PCSK5: variants seen among roughly 807,000 people sequenced by gnomAD.
PCSK5 encodes proprotein convertase subtilisin/kexin type 5.
A neutral mutation model predicts 233.2 loss-of-function variants in PCSK5; 129 were observed. That is an observed-to-expected ratio of 0.55 (90% CI 0.48 to 0.64). The LOEUF is 0.64. Ranked by LOEUF, PCSK5 falls within the 30% of genes least tolerant of loss-of-function variation. The pLI is 0.00. For synonymous variants in PCSK5, 825 were observed against 879.2 expected, an observed-to-expected ratio of 0.94 and a Z score of 1.09; for missense variants, 2,076 against 2,430.1, an observed-to-expected ratio of 0.85 and a Z score of 3.06.
intron 1 of PCSK5, among the ~76,000 whole-genome samples, chr9:75,914,705 G>A (rs1214893776): frequency 6.6e-6 from 1 of 152,062 alleles, no homozygotes; most frequent in African/African-American, 2.4e-5. Flanking sequence ...TATTTCTCAG[G>A]ATCCTCAGTA....
chr9:75,899,515 C>G (rs1426456193), intron 1 of PCSK5, among the ~76,000 whole-genome samples: 1 of 152,144 alleles, frequency 6.6e-6, no homozygotes, highest in Non-Finnish European at 1.5e-5. Flanking sequence ...AGTTTGTACC[C>G]TTTGACCTAC....
chr9:76,285,757 A>G (rs1359979317), intron 24 of PCSK5, among the ~76,000 whole-genome samples: 1 of 152,114 alleles, frequency 6.6e-6, no homozygotes, highest in African/African-American at 2.4e-5. Context: ...TCCTTAAGAC[A>G]TTGAGTTTCT....
intron 8 of PCSK5, among the ~76,000 whole-genome samples, chr9:76,102,254 T>C (rs1240441580): frequency 1.3e-5 from 2 of 152,224 alleles, no homozygotes; most frequent in Non-Finnish European, 2.9e-5. Flanking sequence ...TAGCTGTTTG[T>C]CCTTGGGCAA....
At chr9:76,077,621 T>C (rs2131613721) in intron 7 of PCSK5, among the ~76,000 whole-genome samples, 1 of 152,252 alleles carries the variant, frequency 6.6e-6, no homozygotes, top group African/African-American at 2.4e-5. Context: ...GAGTACCTAA[T>C]GTTTAGCTCC....
intron 35 of PCSK5, among the ~76,000 whole-genome samples, chr9:76,341,674 T>G (rs1829840500): frequency 6.6e-6 from 1 of 152,218 alleles, no homozygotes; most frequent in South Asian, 2.1e-4. Flanking sequence ...TATTTTGGTT[T>G]TGGTTCTTTA....
At chr9:76,103,473 A>G (rs1346405834) in intron 8 of PCSK5, among the ~76,000 whole-genome samples, 1 of 152,168 alleles carries the variant, frequency 6.6e-6, no homozygotes, top group Non-Finnish European at 1.5e-5. Flanking sequence ...GTCAATCTGA[A>G]CTGAGATTCC....
chr9:75,899,642 A>G (rs73464429), intron 1 of PCSK5, among the ~76,000 whole-genome samples: 1,613 of 152,274 alleles, frequency 0.011, 18 homozygotes, highest in East Asian at 0.028. Context: ...TCTTTTTGTT[A>G]GAAGATAGAA....
rs181798643 is a variant in PCSK5, at chr9:76,241,764, T to C, written c.3142+1080T>C. On this transcript the variant is annotated intron_variant, in intron 24 of 37. Coordinates refer to ENST00000674117, the MANE Select transcript of PCSK5 (RefSeq NM_001372043.1). ...GGCAACATATAAAAAATAATTAGCA[T>C]GTGTGATCTTTGAAAGGAAACTCAA... is the stretch of plus-strand genomic sequence containing the variant. Among the ~76,000 whole-genome samples the C allele has an allele frequency of 6.5e-4, 99 of 152,342 alleles. 2 individuals carry two copies. The East Asian group carries it at 0.017, about 26-fold the overall frequency.
Position 76,350,528 on chromosome 9 carries a change from G to A in PCSK5, c.4967-300G>A, listed in dbSNP as rs546009930. Among the ~76,000 whole-genome samples, 13 of 152,254 alleles carry A rather than the reference G, an allele frequency of 8.5e-5. 1 individual carries two copies. Among genetic ancestry groups the A allele is most frequent in the Admixed American group, 3.9e-4 (6 of 15,290 alleles). On this transcript the variant is annotated intron_variant, in intron 35 of 37. Transcript: ENST00000674117. ...CTAGTTAAACAATAAGCAGAATAGC[G>A]AATAAAGGTTTTATAAACTTTCTAC... is the stretch of plus-strand genomic sequence containing the variant.
chr9:76,238,978 C>G lies in PCSK5; in HGVS notation c.2886C>G (p.His962Gln), dbSNP rs1367817143. The change falls in exon 23 of 38, where the codon CAC (histidine) becomes CAG (glutamine). Residue 962 changes from histidine to glutamine, a missense_variant. Physicochemically the swap from His to Gln is conservative, Grantham distance 24. Around this residue, in one of 6 missense-constraint regions of PCSK5, gnomAD observed 1,510 missense variants for 1,538.1 expected, o/e 0.98. Transcript: ENST00000674117. The stretch of plus-strand genomic sequence containing the variant: ...GATCAGACAACTATGGCCGAGAGCA[C>G]TTCCTGTACCAGGGAGAGTGTGGAG... ...SCGADNYGREHFLYQGECGDS... is the reference protein window; with the variant it reads ...SCGADNYGREQFLYQGECGDS... 1 of 1,612,244 alleles carries G rather than the reference C, an allele frequency of 6.2e-7. No individual in the cohort carries two copies. Among genetic ancestry groups the G allele is most frequent in the East Asian group, 2.2e-5 (1 of 44,856 alleles).
chr9:75,975,474 G>A (rs957248755), intron 2 of PCSK5, among the ~76,000 whole-genome samples: 1 of 152,014 alleles, frequency 6.6e-6, no homozygotes, highest in South Asian at 2.1e-4. Context: ...TAATGAGAAC[G>A]CCCTTTCCTT....
At chr9:76,209,762 A>C (rs1825262907) in intron 20 of PCSK5, among the ~76,000 whole-genome samples, 1 of 151,370 alleles carries the variant, frequency 6.6e-6, no homozygotes, top group Non-Finnish European at 1.5e-5. Context: ...ATACATAATT[A>C]TAAATAAATA....
intron 14 of PCSK5, among the ~76,000 whole-genome samples, chr9:76,176,192 T>C (rs1051608124): frequency 1.3e-5 from 2 of 152,228 alleles, no homozygotes; most frequent in African/African-American, 4.8e-5. Context: ...GTTTATGATA[T>C]ACAGTGTCAA....
chr9:76,205,070 G>T (rs911483281), intron 20 of PCSK5: 2 of 516,866 alleles, frequency 3.9e-6, no homozygotes, highest in Non-Finnish European at 7.7e-6. Context: ...CTGAAAAATT[G>T]TCTTTCCACA....
At chr9:76,066,456 G>A (rs572144683) in intron 5 of PCSK5, among the ~76,000 whole-genome samples, 9 of 152,092 alleles carry the variant, frequency 5.9e-5, no homozygotes, top group Non-Finnish European at 8.8e-5. Flanking sequence ...CTAGGAATTC[G>A]TCCCAAGGCA....
At chr9:76,224,580 G>A (rs1015077625) in intron 20 of PCSK5, among the ~76,000 whole-genome samples, 1 of 152,172 alleles carries the variant, frequency 6.6e-6, no homozygotes, top group Non-Finnish European at 1.5e-5. Context: ...AGGGATAATC[G>A]CACAGTGACA....
intron 3 of PCSK5, among the ~76,000 whole-genome samples, chr9:76,007,530 T>G (rs187202350): frequency 1.3e-5 from 2 of 152,278 alleles, no homozygotes; most frequent in Admixed American, 6.5e-5. Flanking sequence ...ACAGTAAGAA[T>G]TATTTGATTT....
At chr9:76,315,197 A>G (rs1352423781) in intron 30 of PCSK5, among the ~76,000 whole-genome samples, 2 of 151,108 alleles carry the variant, frequency 1.3e-5, no homozygotes, top group African/African-American at 4.9e-5. Context: ...CAGGTGATCC[A>G]CCCACCCTGG....
At chr9:76,151,058 G>T (rs1373175635) in intron 10 of PCSK5, among the ~76,000 whole-genome samples, 1 of 151,272 alleles carries the variant, frequency 6.6e-6, no homozygotes, top group Non-Finnish European at 1.5e-5. Flanking sequence ...CGTGTGGGAC[G>T]TGGCAACTTG....
Sources: gnomAD v4.1 joint callset for allele counts (sites outside exome capture counted in the v4.1 genomes callset) on GRCh38, gnomAD v4.1.1 for gene constraint, gnomAD v4.1.1 regional missense constraint, MANE v1.5 for transcripts, NCBI Gene and HGNC (gene_info 2026-07-23, HGNC 2026-07-21) for gene names.